SHROOM3: variants seen among roughly 807,000 people sequenced by gnomAD.
SHROOM3 encodes shroom family member 3.
In SHROOM3, 47 loss-of-function variants were observed where a neutral mutation model predicts 138.6. The observed-to-expected ratio is 0.34, with a 90% CI of 0.27 to 0.43. The LOEUF (loss-of-function observed/expected upper bound fraction) is 0.43. Ranked by LOEUF, SHROOM3 falls within the 20% of genes least tolerant of loss-of-function variation. The pLI, the probability that SHROOM3 is intolerant of heterozygous loss-of-function variation, is 1.00. For synonymous variants in SHROOM3, 1,062 were observed against 1,063.3 expected (o/e 1.00, Z 0.02); for missense variants, 2,491 against 2,596.5 (o/e 0.96, Z 0.88).
intron 1 of SHROOM3, among the ~76,000 whole-genome samples, chr4:76,547,658 G>A (rs538140652): frequency 3.3e-5 from 5 of 152,174 alleles, no homozygotes; most frequent in African/African-American, 7.2e-5. Context: ...GGCCAGGCGC[G>A]GCGGCTCATG....
chr4:76,623,831 G>C (rs905320164), intron 2 of SHROOM3, among the ~76,000 whole-genome samples: 3 of 152,160 alleles, frequency 2.0e-5, no homozygotes, highest in Non-Finnish European at 4.4e-5. Flanking sequence ...CCTGGGATTT[G>C]AAATGAGAGA....
intron 2 of SHROOM3, among the ~76,000 whole-genome samples, chr4:76,650,553 ATTTAT>A (rs1163446177): frequency 1.6e-5 from 2 of 122,990 alleles, no homozygotes; most frequent in Non-Finnish European, 3.4e-5. Flanking sequence ...TTATTTATTT[ATTTAT>A]TTATTTGATG....
chr4:76,665,780 G>A (rs1023992767), intron 2 of SHROOM3, among the ~76,000 whole-genome samples: 6 of 152,186 alleles, frequency 3.9e-5, no homozygotes, highest in African/African-American at 1.4e-4. Flanking sequence ...GATGGAGCTA[G>A]GACCTGGCTT....
intron 1 of SHROOM3, among the ~76,000 whole-genome samples, chr4:76,451,545 C>T (rs999907764): frequency 6.6e-6 from 1 of 152,134 alleles, no homozygotes; most frequent in African/African-American, 2.4e-5. Flanking sequence ...TGCGCTAGTG[C>T]CCTTTTGATG....
At chr4:76,674,235 C>T (rs1718962917) in intron 2 of SHROOM3, among the ~76,000 whole-genome samples, 1 of 152,126 alleles carries the variant, frequency 6.6e-6, no homozygotes, top group Admixed American at 6.5e-5. Flanking sequence ...ATAATGTTTT[C>T]ATCAATTCAT....
At chr4:76,558,507 C>T (rs1733532733) in intron 2 of SHROOM3, among the ~76,000 whole-genome samples, 1 of 151,982 alleles carries the variant, frequency 6.6e-6, no homozygotes, top group Non-Finnish European at 1.5e-5. Context: ...TATCTGGAGG[C>T]CCCCCCTTTC....
chr4:76,579,099 G>T (rs1440581321), intron 2 of SHROOM3, among the ~76,000 whole-genome samples: 3 of 152,198 alleles, frequency 2.0e-5, no homozygotes, highest in African/African-American at 4.8e-5. Context: ...AGGATCGCTT[G>T]AGCCCGGGAG....
At chr4:76,768,101 T>C (rs1397565284) in intron 9 of SHROOM3, among the ~76,000 whole-genome samples, 3 of 152,194 alleles carry the variant, frequency 2.0e-5, no homozygotes, top group Non-Finnish European at 4.4e-5. Context: ...AAATGTACCC[T>C]TCGAGTTAAA....
chr4:76,731,304 A>G (rs1445867120), intron 4 of SHROOM3, among the ~76,000 whole-genome samples: 1 of 152,138 alleles, frequency 6.6e-6, no homozygotes, highest in African/African-American at 2.4e-5. Flanking sequence ...ATCCATTTTT[A>G]TTCCTGTGTT....
chr4:76,767,562 A>G (rs958884124), intron 9 of SHROOM3, among the ~76,000 whole-genome samples: 19 of 152,152 alleles, frequency 1.2e-4, no homozygotes, highest in African/African-American at 4.3e-4. Context: ...CAGTAATCCC[A>G]GCTACTCGGG....
chr4:76,547,504 G>A (rs189745565), intron 1 of SHROOM3, among the ~76,000 whole-genome samples: 85 of 152,294 alleles, frequency 5.6e-4, no homozygotes, highest in African/African-American at 1.6e-3. Context: ...ATAAATAGTG[G>A]GCACTGCTAT....
At chr4:76,460,827 CAA>C (rs58793404) in intron 1 of SHROOM3, among the ~76,000 whole-genome samples, 36 of 78,768 alleles carry the variant, frequency 4.6e-4, no homozygotes, top group Admixed American at 5.7e-4. Context: ...CCCGTATCTA[CAA>C]AAAAAAAAAA....
chr4:76,679,918 CAT>C (rs1364384632), intron 2 of SHROOM3, among the ~76,000 whole-genome samples: 2 of 152,306 alleles, frequency 1.3e-5, no homozygotes, highest in African/African-American at 2.4e-5. Context: ...ACCTAGATCA[CAT>C]GTCTTTTTCA....
chr4:76,473,337 G>T (rs911725184), intron 1 of SHROOM3, among the ~76,000 whole-genome samples: 1 of 152,208 alleles, frequency 6.6e-6, no homozygotes, highest in African/African-American at 2.4e-5. Flanking sequence ...GCTGGGTGTG[G>T]TGGCTCATGC....
chr4:76,555,720 C>T lies in SHROOM3; in HGVS notation c.280C>T (p.Leu94=), dbSNP rs1334257444. ...LSSSRKEAVS[L]VKGSYKTLRL... ...CAGCTCCAGAAAGGAGGCAGTTTCC[C>T]TGGTGAAAGGATCCTACAAGACCCT... The change falls in exon 2 of 11, where the codon CTG becomes TTG. Residue 94 remains leucine (L), a synonymous_variant. Coordinates refer to ENST00000296043, the MANE Select transcript of SHROOM3 (RefSeq NM_020859.4). The T allele has an allele frequency of 6.2e-7, 1 of 1,613,962 alleles. No individual in the cohort carries two copies. The highest frequency in any genetic ancestry group is 8.5e-7 in the Non-Finnish European group (1 of 1,180,010).
intron 2 of SHROOM3, among the ~76,000 whole-genome samples, chr4:76,570,180 C>T (rs558643119): frequency 8.2e-4 from 125 of 152,056 alleles, no homozygotes; most frequent in Non-Finnish European, 1.2e-3. Context: ...CACACACACA[C>T]ACACGCACAC....
At chr4:76,747,936 C>A (rs2110139258) in intron 5 of SHROOM3, among the ~76,000 whole-genome samples, 2 of 152,256 alleles carry the variant, frequency 1.3e-5, no homozygotes, top group South Asian at 4.1e-4. Context: ...CAAGATATGT[C>A]ACCTTGCTGA....
At chr4:76,768,640 G>A (rs1012058523) in intron 9 of SHROOM3, among the ~76,000 whole-genome samples, 15 of 152,064 alleles carry the variant, frequency 9.9e-5, no homozygotes, top group Non-Finnish European at 2.1e-4. Context: ...CCTCCTAGTA[G>A]CTGGGGATTA....
At chr4:76,567,604 C>T (rs894808809) in intron 2 of SHROOM3, among the ~76,000 whole-genome samples, 21 of 152,178 alleles carry the variant, frequency 1.4e-4, no homozygotes, top group Admixed American at 7.8e-4. Flanking sequence ...GAGCTGAGAT[C>T]GTGCCACTGC....
Sources: allele counts gnomAD v4.1 joint callset (sites outside exome capture counted in the v4.1 genomes callset), GRCh38; gene constraint gnomAD v4.1.1; transcripts MANE v1.5; gene names NCBI Gene and HGNC (gene_info 2026-07-23, HGNC 2026-07-21).